ATAD2B: variants seen among roughly 807,000 people sequenced by gnomAD.
The protein encoded by ATAD2B is ATPase family AAA domain-containing protein 2B.
A neutral mutation model predicts 167.6 loss-of-function variants in ATAD2B; 40 were observed. The ratio of observed to expected loss-of-function variants is 0.24; its 90% CI spans 0.19 to 0.31. The LOEUF (loss-of-function observed/expected upper bound fraction) is 0.31, where lower values mean the gene tolerates loss of function less well. Ranked by LOEUF, ATAD2B falls within the 10% of genes least tolerant of loss-of-function variation. The pLI, the probability that ATAD2B is intolerant of heterozygous loss-of-function variation, is 1.00. For missense variants in ATAD2B, 1,242 were observed against 1,757.2 expected (o/e 0.71, Z 5.24); for synonymous variants, 579 against 596.5 (o/e 0.97, Z 0.43).
intron 22 of ATAD2B, among the ~76,000 whole-genome samples, chr2:23,779,735 T>C (rs961331248): frequency 6.6e-6 from 1 of 152,148 alleles, no homozygotes; most frequent in Admixed American, 6.5e-5. Flanking sequence ...AAAATAATGT[T>C]GGAGAAATAT....
At chr2:23,724,810 G>A in the ATAD2B span, among the ~76,000 whole-genome samples, 6 of 151,682 alleles carry the variant, frequency 4.0e-5, no homozygotes, top group Admixed American at 6.6e-5. Context: ...TTGGGAGGCC[G>A]AGGTGGGCGG....
chr2:23,785,082 G>A (rs1313986780), intron 21 of ATAD2B, among the ~76,000 whole-genome samples: 1 of 151,966 alleles, frequency 6.6e-6, no homozygotes, highest in African/African-American at 2.4e-5. Flanking sequence ...AGGGGGGAAA[G>A]TATTTCTTTT....
intron 1 of ATAD2B, among the ~76,000 whole-genome samples, chr2:23,922,524 C>G (rs1353288648): frequency 6.6e-6 from 1 of 151,894 alleles, no homozygotes; most frequent in Non-Finnish European, 1.5e-5. Flanking sequence ...GGCACAAAGG[C>G]AATCTACAGA....
At chr2:23,905,708 CAAGT>C (rs1261679677) in intron 1 of ATAD2B, among the ~76,000 whole-genome samples, 4 of 152,244 alleles carry the variant, frequency 2.6e-5, no homozygotes, top group African/African-American at 9.6e-5. Flanking sequence ...GATACAATCT[CAAGT>C]AAGAATACTT....
chr2:23,823,615 C>A, intron 15 of ATAD2B, 46 bp from the exon 16 acceptor site: 1 of 1,508,672 alleles, frequency 6.6e-7, no homozygotes, highest in Non-Finnish European at 9.1e-7. Flanking sequence ...TTCATTATTC[C>A]ATGCACCAAC....
At chr2:23,811,844 T>G (rs905344520) in intron 17 of ATAD2B, among the ~76,000 whole-genome samples, 3 of 151,950 alleles carry the variant, frequency 2.0e-5, no homozygotes, top group African/African-American at 7.2e-5. Context: ...ATCACAATTT[T>G]TAAAATAACA....
chr2:23,880,802 T>G, intron 6 of ATAD2B, 47 bp from the exon 7 acceptor site: 1 of 1,125,258 alleles, frequency 8.9e-7, no homozygotes, highest in Non-Finnish European at 1.3e-6. Flanking sequence ...TTATTTTAAT[T>G]CAAAAGGATT....
chr2:23,889,114 A>T lies in ATAD2B; in HGVS notation c.369-715T>A, dbSNP rs1269205332. ...TATCCAACAATTATTAGTTTCGAAGATTAAAAAACTAGGGAAAGGACATCC... is the reference window on the plus strand; with the variant it reads ...TATCCAACAATTATTAGTTTCGAAGTTTAAAAAACTAGGGAAAGGACATCC... On this transcript the variant is annotated intron_variant, in intron 2 of 27. Coordinates refer to ENST00000238789, the MANE Select transcript of ATAD2B (RefSeq NM_017552.4). Among the ~76,000 whole-genome samples the T allele has an allele frequency of 2.6e-5, 4 of 152,224 alleles. 1 individual carries two copies. Among genetic ancestry groups the T allele is most frequent in the Non-Finnish European group, 4.4e-5 (3 of 68,050 alleles).
At chr2:23,724,364 C>G in the ATAD2B span, among the ~76,000 whole-genome samples, 1 of 151,690 alleles carries the variant, frequency 6.6e-6, no homozygotes, top group Admixed American at 6.6e-5. Flanking sequence ...TTGAAACATC[C>G]CCATGTACCC....
Position 23,833,905 on chromosome 2 carries a change from AC to A in ATAD2B, c.1728+13del. The A allele has an allele frequency of 6.3e-7, 1 of 1,587,972 alleles. No homozygotes were observed. The highest frequency in any genetic ancestry group is 8.5e-7 in the Non-Finnish European group (1 of 1,170,536). ...ACATATAAATGTTAACATATTGAAA[AC>A]AAAAACTCTTACCTTTTGATCAGGC... On this transcript the variant is annotated intron_variant, in intron 14 of 27. Coordinates refer to ENST00000238789, the MANE Select transcript of ATAD2B (RefSeq NM_017552.4).
At chr2:23,765,251 T>A (rs555417683) in intron 23 of ATAD2B, among the ~76,000 whole-genome samples, 2 of 152,226 alleles carry the variant, frequency 1.3e-5, no homozygotes, top group East Asian at 3.8e-4. Context: ...AAAAAAGATA[T>A]ACTCCTACAA....
chr2:23,754,411 A>G, intron 26 of ATAD2B, 104 bp from the exon 27 acceptor site: 1 of 1,255,738 alleles, frequency 8.0e-7, no homozygotes, highest in South Asian at 1.5e-5. Flanking sequence ...GCGAGGATGT[A>G]ACAGTGAACA....
chr2:23,682,107 T>G, the ATAD2B span, among the ~76,000 whole-genome samples: 2 of 152,236 alleles, frequency 1.3e-5, no homozygotes, highest in South Asian at 4.1e-4. This position sits in a 1 kb window ranked among gnomAD's most constrained non-coding sequence, Gnocchi z 4.1. Flanking sequence ...GTGGTCTCCA[T>G]GCCTCCCCCT....
chr2:23,879,577 C>G (rs1341430399), intron 7 of ATAD2B, among the ~76,000 whole-genome samples: 1 of 152,092 alleles, frequency 6.6e-6, no homozygotes, highest in Non-Finnish European at 1.5e-5. Context: ...TCTGAACAGC[C>G]ATTACACTGC....
intron 13 of ATAD2B, among the ~76,000 whole-genome samples, chr2:23,845,205 ACTC>A (rs1573008821): frequency 6.6e-6 from 1 of 152,180 alleles, no homozygotes; most frequent in East Asian, 1.9e-4. Context: ...TAGCAGTTTC[ACTC>A]CTTATCTCTA....
chr2:23,690,277 C>G, the ATAD2B span: 2 of 152,240 alleles, frequency 1.3e-5, no homozygotes, highest in African/African-American at 4.8e-5. Context: ...GGAATTCAGA[C>G]CTCATCTAGT....
At chr2:23,818,770 T>C (rs1686994857) in intron 17 of ATAD2B, among the ~76,000 whole-genome samples, 2 of 152,356 alleles carry the variant, frequency 1.3e-5, no homozygotes, top group East Asian at 3.9e-4. Context: ...GGGCTAATTA[T>C]GTAAATGCAA....
chr2:23,838,233 G>C (rs1264592861), intron 13 of ATAD2B, among the ~76,000 whole-genome samples: 1 of 152,158 alleles, frequency 6.6e-6, no homozygotes, highest in East Asian at 1.9e-4. Context: ...AAGATATAAA[G>C]GGGGTGGGGA....
chr2:23,731,626 A>G, the ATAD2B span, among the ~76,000 whole-genome samples: 1 of 152,262 alleles, frequency 6.6e-6, no homozygotes, highest in African/African-American at 2.4e-5. Context: ...TAGTAAAAAT[A>G]ACAAGGTGGA....
Sources: gnomAD v4.1 joint callset for allele counts (sites outside exome capture counted in the v4.1 genomes callset) on GRCh38, gnomAD v4.1.1 for gene constraint, Gnocchi (gnomAD v3.1) non-coding constraint, MANE v1.5 for transcripts, NCBI Gene and HGNC (gene_info 2026-07-23, HGNC 2026-07-21) for gene names.